The following KIAA1549 variants were observed in gnomAD, a reference collection of about 807,000 sequenced individuals.
The protein encoded by KIAA1549 is KIAA1549.
Under a neutral mutation model 156.4 loss-of-function variants are expected in KIAA1549, and 70 were observed. The observed-to-expected ratio is 0.45, with a 90% CI of 0.37 to 0.55. The LOEUF (loss-of-function observed/expected upper bound fraction) is 0.55. KIAA1549 is among the 20% of genes least tolerant of loss of function. KIAA1549 has a pLI of 0.00. For missense variants in KIAA1549, 2,428 were observed against 2,540.9 expected, an observed-to-expected ratio of 0.96 and a Z score of 0.96; for synonymous variants, 1,103 against 1,066.4, an observed-to-expected ratio of 1.03 and a Z score of -0.67.
intron 1 of KIAA1549, among the ~76,000 whole-genome samples, chr7:138,947,668 A>G (rs1037742643): frequency 6.6e-6 from 1 of 152,208 alleles, no homozygotes; most frequent in Admixed American, 6.5e-5. Flanking sequence ...TGAAGGCAAA[A>G]CCAAACTTTT....
intron 15 of KIAA1549, 51 bp from the exon 16 acceptor site, chr7:138,861,507 C>T: frequency 2.1e-6 from 3 of 1,440,574 alleles, no homozygotes; most frequent in Non-Finnish European, 2.9e-6. Flanking sequence ...TTTGTGGCAA[C>T]CCTAAACAGT....
chr7:138,944,214 A>G (rs2183515), intron 1 of KIAA1549, among the ~76,000 whole-genome samples: 23,432 of 151,986 alleles, frequency 0.15, 2,034 homozygotes, highest in South Asian at 0.27. Context: ...TTTGACCAAC[A>G]TCTCTCCAGC....
In KIAA1549 at chr7:138,844,418, T is replaced by A. The variant is rs374950423; in HGVS notation, c.5351A>T (p.Gln1784Leu). 1.1e-5 allele frequency: 18 copies of A among 1,598,188 alleles called. 1 individual carries two copies. In the African/African-American group the frequency reaches 2.1e-4, roughly 19 times the overall value. Reference protein sequence around the residue: ...QSTELVPPDPQQPQASAEAPF... With the variant: ...QSTELVPPDPLQPQASAEAPF... ...GGCTTCGGCGGAGGCCTGTGGCTGCTGAGGGTCAGGGGGCACCAGCTCTGT... is the reference window on the plus strand; with the variant it reads ...GGCTTCGGCGGAGGCCTGTGGCTGCAGAGGGTCAGGGGGCACCAGCTCTGT... The change falls in exon 18 of 20, where the codon CAG becomes CTG. Residue 1784 changes from glutamine (Q) to leucine (L), a missense_variant. Physicochemically the swap from Gln to Leu is moderately radical, Grantham distance 113. Transcript: ENST00000422774.
intron 14 of KIAA1549, among the ~76,000 whole-genome samples, chr7:138,868,724 C>G (rs556935927): frequency 2.0e-5 from 3 of 152,226 alleles, no homozygotes; most frequent in Non-Finnish European, 2.9e-5. Flanking sequence ...TGAGCCACCA[C>G]GCCTGGCCCA....
In KIAA1549 at chr7:138,918,793, T is replaced by C. The variant is rs753828615; in HGVS notation, c.833A>G (p.Glu278Gly). Residue 278 changes from glutamate to glycine, a missense_variant, in exon 2 of 20, where the codon GAA (glutamate) becomes GGA (glycine). By Grantham distance (98) the Glu-to-Gly change is moderately conservative. Around this residue, in one of 5 missense-constraint regions of KIAA1549, gnomAD observed 893 missense variants for 847.9 expected, o/e 1.05. Transcript: ENST00000422774. The surrounding 1 kb of genome is among the most constrained non-coding windows in gnomAD (Gnocchi z 4.2). ...CCGGGAGCTTAAAAAAAGGGTGGTT[T>C]CCACACCCTCTGTTAGGGAAGCCAC... ...EIVASLTEGV[E>G]TTLFLSSRSL... 1 of 1,613,912 alleles carries C rather than the reference T, an allele frequency of 6.2e-7. No homozygotes were observed. The highest frequency in any genetic ancestry group is 1.1e-5 in the South Asian group (1 of 91,066).
rs768698302 is a variant in KIAA1549 at position 138,836,577 on chromosome 7, C to T, written c.*1329G>A. Reference sequence around the variant, plus strand: ...TTTCTTCTGAGTTTCACTCAGGTACCAGAAAACAGAACAGCCCTTGCCACT... The same window carrying T: ...TTTCTTCTGAGTTTCACTCAGGTACTAGAAAACAGAACAGCCCTTGCCACT... On this transcript the variant is annotated 3_prime_UTR_variant, in exon 20 of 20. Transcript: ENST00000422774. The T allele has an allele frequency of 6.9e-5, 15 of 218,356 alleles. No homozygotes were observed. Among genetic ancestry groups the T allele is most frequent in the Non-Finnish European group, 1.3e-4 (14 of 108,736 alleles). 13.5% of individuals were successfully genotyped at this position (218,356 alleles called of 1,614,324 possible). A position where few individuals can be genotyped will look rare whatever the true frequency, so the allele number is the denominator to read the frequency against.
chr7:138,837,718 C>CTG lies in KIAA1549; in HGVS notation c.*187_*188insCA. The CTG allele has an allele frequency of 1.6e-6, 1 of 626,902 alleles. No individual in the cohort carries two copies. Among genetic ancestry groups the CTG allele is most frequent in the Non-Finnish European group, 2.7e-6 (1 of 368,404 alleles). The allele number at this position is 626,902 out of a possible 1,614,324, so 38.8% of individuals were successfully genotyped here. A position where few individuals can be genotyped will look rare whatever the true frequency, so the allele number is the denominator to read the frequency against. ...TGAACCCAAGTGTTCAGACAATTGC[C>CTG]AGCCCAGTGAAAGGCTCATGAGCTG... On this transcript the variant is annotated 3_prime_UTR_variant, in exon 20 of 20. Transcript: ENST00000422774.
rs189308398 is a variant in KIAA1549 at position 138,973,429 on chromosome 7, C to G, written c.187+7654G>C. On this transcript the variant is annotated intron_variant, in intron 1 of 19. Transcript: ENST00000422774. The stretch of plus-strand genomic sequence containing the variant: ...CAGTAGCATTTGACATGATGGATCA[C>G]TCACCTAGAGGAAAACTCTCTCCTC... Among the ~76,000 whole-genome samples the G allele has an allele frequency of 2.6e-3, 391 of 152,302 alleles. 1 individual carries two copies. Among genetic ancestry groups the G allele is most frequent in the African/African-American group, 8.7e-3 (363 of 41,556 alleles).
chr7:138,948,145 C>A (rs540069512), intron 1 of KIAA1549, among the ~76,000 whole-genome samples: 2 of 152,112 alleles, frequency 1.3e-5, no homozygotes, highest in Admixed American at 6.5e-5. Flanking sequence ...AAGTCCTAAC[C>A]CCCACTATCT....
In KIAA1549 at chr7:138,838,073, C is replaced by G. The variant is rs778336268; in HGVS notation, c.5686G>C (p.Gly1896Arg). 6.3e-7 allele frequency: 1 copy of G among 1,590,372 alleles called. No homozygotes were observed. The change falls in exon 20 of 20, where the codon GGG becomes CGG. Residue 1896 changes from glycine to arginine, a missense_variant. Gly to Arg is a moderately radical substitution (Grantham distance 125). This residue lies in a region of KIAA1549 where 363 missense variants were observed against 354.0 expected (regional missense o/e 1.03). Coordinates refer to ENST00000422774, the MANE Select transcript of KIAA1549 (RefSeq NM_001164665.2). ...TSGREPSAPS[G>R]NLPHRGLQGP... ...TGCAGTCCCCGGTGGGGGAGGTTCC[C>G]GGAAGGAGCTGAGGGCTCCCTGCCT...
Position 138,917,066 on chromosome 7 carries a change from C to T in KIAA1549, c.2560G>A (p.Ala854Thr), listed in dbSNP as rs1438153988. Reference sequence around the variant, plus strand: ...TCTGTGGGCAGAGGGAAGGGGGTTGCTTCAGAAACAAACGAGGATCCTGAT... The same window carrying T: ...TCTGTGGGCAGAGGGAAGGGGGTTGTTTCAGAAACAAACGAGGATCCTGAT... The part of the protein sequence containing the change: ...LPSGSSFVSE[A>T]TPFPLPTELT... The change falls in exon 2 of 20, where the codon GCA (alanine) becomes ACA (threonine). Residue 854 changes from alanine (A) to threonine (T), a missense_variant. By Grantham distance (58) the Ala-to-Thr change is moderately conservative. Coordinates refer to ENST00000422774, the MANE Select transcript of KIAA1549 (RefSeq NM_001164665.2). 6.2e-7 allele frequency: 1 copy of T among 1,608,026 alleles called. No homozygotes were observed. The highest frequency in any genetic ancestry group is 1.7e-5 in the Admixed American group (1 of 59,700).
In KIAA1549 at chr7:138,890,381, G is replaced by A. The variant is rs73470205; in HGVS notation, c.4032+3961C>T. On this transcript the variant is annotated intron_variant, in intron 10 of 19. Transcript: ENST00000422774. ...TGTCTGAACAAAAATTTGCCATCAT[G>A]TAGCGAGTGCCATTGAAAGCATTTA... Among the ~76,000 whole-genome samples the A allele has an allele frequency of 2.6e-3, 399 of 152,374 alleles. 3 individuals carry two copies. Among genetic ancestry groups the A allele is most frequent in the African/African-American group, 9.3e-3 (388 of 41,588 alleles).
At chr7:138,879,334 A>C (rs986432047) in intron 12 of KIAA1549, among the ~76,000 whole-genome samples, 2 of 152,170 alleles carry the variant, frequency 1.3e-5, no homozygotes, top group African/African-American at 2.4e-5. Flanking sequence ...CTTAAGACGT[A>C]CCCCAGTGAA....
chr7:138,916,926 C>T lies in KIAA1549; in HGVS notation c.2700G>A (p.Leu900=), dbSNP rs1812340210. The change falls in exon 2 of 20, where the codon CTG becomes CTA. Residue 900 remains leucine, a synonymous_variant. Transcript: ENST00000422774. The part of the protein sequence containing the change: ...AATGGPLDST[L]MGDAASQSPP... ...GGCTCTGACTTGCGGCGTCACCCAT[C>T]AGGGTGGAGTCGAGGGGACCACCAG... The T allele has an allele frequency of 6.2e-7, 1 of 1,612,098 alleles. No individual in the cohort carries two copies. The highest frequency in any genetic ancestry group is 2.2e-5 in the East Asian group (1 of 44,870).
At chr7:138,958,183 C>T (rs989787194) in intron 1 of KIAA1549, among the ~76,000 whole-genome samples, 1 of 152,268 alleles carries the variant, frequency 6.6e-6, no homozygotes, top group East Asian at 1.9e-4. Context: ...GACCCACATG[C>T]GCGGGCCACA....
At chr7:138,923,604 A>AG (rs1812625752) in intron 1 of KIAA1549, among the ~76,000 whole-genome samples, 1 of 145,592 alleles carries the variant, frequency 6.9e-6, no homozygotes, top group Admixed American at 6.7e-5. Flanking sequence ...CATCTCAAAA[A>AG]GAAAAAAAAA....
At chr7:138,883,089 T>A (rs1449738292) in intron 10 of KIAA1549, among the ~76,000 whole-genome samples, 26 of 47,024 alleles carry the variant, frequency 5.5e-4, no homozygotes, top group East Asian at 1.9e-3. Flanking sequence ...CCATCTCCCC[T>A]AAAAAAAAAA....
chr7:138,861,405 C>T lies in KIAA1549; in HGVS notation c.4981G>A (p.Gly1661Arg), dbSNP rs778451002. 11 of 1,612,264 alleles carry T rather than the reference C, an allele frequency of 6.8e-6. No individual in the cohort carries two copies. The Admixed American group carries it at 1.3e-4, about 20-fold the overall frequency. ...DVQTPSSVELGRYPALPFPAS... is the reference protein window; with the variant it reads ...DVQTPSSVELRRYPALPFPAS... The stretch of plus-strand genomic sequence containing the variant: ...GGGAAGGGAAGGGCTGGATACCTCC[C>T]CAGTTCCACCGAGGATGGTGTCTGC... The change falls in exon 16 of 20, where the codon GGG becomes AGG. Residue 1661 changes from glycine to arginine, a missense_variant. Physicochemically the swap from Gly to Arg is moderately radical, Grantham distance 125. This residue lies in a region of KIAA1549 where 404 missense variants were observed against 417.0 expected (regional missense o/e 0.97). Transcript: ENST00000422774.
At chr7:138,921,315 T>A (rs1812557274) in intron 1 of KIAA1549, among the ~76,000 whole-genome samples, 1 of 152,260 alleles carries the variant, frequency 6.6e-6, no homozygotes, top group Non-Finnish European at 1.5e-5. Context: ...CTCTCACTTC[T>A]GTTCCTCAGG....
Sources: allele counts gnomAD v4.1 joint callset (sites outside exome capture counted in the v4.1 genomes callset), GRCh38; gene constraint gnomAD v4.1.1; regional missense constraint gnomAD v4.1.1; non-coding constraint Gnocchi (gnomAD v3.1); transcripts MANE v1.5; gene names NCBI Gene and HGNC (gene_info 2026-07-23, HGNC 2026-07-21).